Variants in GASK1A observed in about 807,000 individuals in gnomAD.
GASK1A encodes the protein golgi associated kinase 1A.
In GASK1A, 40 loss-of-function variants were observed where a neutral mutation model predicts 41.2. That is an observed-to-expected ratio of 0.97 (90% CI 0.75 to 1.27). The LOEUF (loss-of-function observed/expected upper bound fraction) is 1.27, where lower values mean the gene tolerates loss of function less well. GASK1A is among the 50% of genes most tolerant of loss of function. The pLI is 0.00. For synonymous variants in GASK1A, 316 were observed against 307.1 expected, an observed-to-expected ratio of 1.03 and a Z score of -0.30; for missense variants, 678 against 745.1, an observed-to-expected ratio of 0.91 and a Z score of 1.05.
intron 1 of GASK1A, among the ~76,000 whole-genome samples, chr3:43,001,248 G>A (rs182643902): frequency 0.011 from 1,614 of 152,174 alleles, 10 homozygotes; most frequent in Non-Finnish European, 0.016. Flanking sequence ...GAAGTTCCAC[G>A]TCATGACACA....
intron 1 of GASK1A, among the ~76,000 whole-genome samples, chr3:42,996,571 C>T (rs1268222651): frequency 3.3e-5 from 5 of 152,142 alleles, no homozygotes; most frequent in African/African-American, 1.2e-4. Context: ...ATGAGGAAAT[C>T]AAGGCCCAAG....
chr3:43,040,428 T>C (rs968062220), intron 2 of GASK1A, among the ~76,000 whole-genome samples: 3 of 152,190 alleles, frequency 2.0e-5, no homozygotes, highest in Admixed American at 2.0e-4. Context: ...TTCTCACTGC[T>C]CTTTTTTAGA....
rs947919356 is a variant in GASK1A at position 42,979,430 on chromosome 3, C to G, written c.-213C>G. Reference sequence around the variant, plus strand: ...CGTGTATTCCCCACCCGCGGAGTATCCCGGTGTGCAGCGATCTCCCGAGAG... The same window carrying G: ...CGTGTATTCCCCACCCGCGGAGTATGCCGGTGTGCAGCGATCTCCCGAGAG... On this transcript the variant is annotated 5_prime_UTR_variant, in exon 1 of 5. The change creates a new upstream start codon in the 5' untranslated region. Transcript: ENST00000430121. 2 of 423,834 alleles carry G rather than the reference C, an allele frequency of 4.7e-6. No homozygotes were observed. Among genetic ancestry groups the G allele is most frequent in the Admixed American group, 4.4e-5 (1 of 22,642 alleles). The allele number at this position is 423,834 out of a possible 1,614,324, so 26.3% of individuals were successfully genotyped here.
intron 1 of GASK1A, among the ~76,000 whole-genome samples, chr3:42,993,099 A>G (rs937898572): frequency 6.6e-6 from 1 of 152,246 alleles, no homozygotes; most frequent in African/African-American, 2.4e-5. Flanking sequence ...GTTACAGTTC[A>G]TCCACAAGGA....
intron 1 of GASK1A, among the ~76,000 whole-genome samples, chr3:43,014,287 A>C (rs988405388): frequency 1.3e-5 from 2 of 151,964 alleles, no homozygotes; most frequent in Non-Finnish European, 2.9e-5. Flanking sequence ...AGGAGTGTGA[A>C]GTCATGGGAA....
At chr3:43,001,164 T>G (rs552901540) in intron 1 of GASK1A, among the ~76,000 whole-genome samples, 1 of 152,300 alleles carries the variant, frequency 6.6e-6, no homozygotes, top group African/African-American at 2.4e-5. Flanking sequence ...GATCTTCACC[T>G]TGGCAGAACC....
Position 43,033,550 on chromosome 3 carries a change from G to A in GASK1A, c.1287G>A (p.Leu429=). 1 of 1,526,742 alleles carries A rather than the reference G, an allele frequency of 6.5e-7. No homozygotes were observed. Among genetic ancestry groups the A allele is most frequent in the Non-Finnish European group, 8.8e-7 (1 of 1,131,620 alleles). 94.6% of individuals were successfully genotyped at this position (1,526,742 alleles called of 1,614,324 possible). ...WARLALFDFL[L]QVHDRLDRYC... The stretch of plus-strand genomic sequence containing the variant: ...GCCTGGCGCTCTTCGACTTCCTGTT[G>A]CAGGTAGGTGGGGTTGGGCAGCAGG... Residue 429 remains leucine (L), a synonymous_variant, in exon 2 of 5, where the codon TTG becomes TTA. Coordinates refer to ENST00000430121, the MANE Select transcript of GASK1A (RefSeq NM_001129908.3).
intron 1 of GASK1A, among the ~76,000 whole-genome samples, chr3:42,999,921 T>C (rs1270688492): frequency 2.0e-5 from 3 of 152,214 alleles, no homozygotes; most frequent in Non-Finnish European, 4.4e-5. Flanking sequence ...GTCTCCGCTT[T>C]CATCATCACT....
At chr3:42,997,430 CAG>C (rs577401774) in intron 1 of GASK1A, among the ~76,000 whole-genome samples, 7,734 of 136,930 alleles carry the variant, frequency 0.056, 318 homozygotes, top group Middle Eastern at 0.12. Context: ...GAGAGAGAGA[CAG>C]AGAGAGGGGG....
At chr3:43,052,838 T>C (rs1354636354) in intron 2 of GASK1A, among the ~76,000 whole-genome samples, 1 of 152,166 alleles carries the variant, frequency 6.6e-6, no homozygotes, top group Admixed American at 6.5e-5. Context: ...CCACGATTCT[T>C]CCTATTGCTG....
Position 43,053,508 on chromosome 3 carries a change from G to A in GASK1A, c.1291-13G>A, listed in dbSNP as rs1260117339. On this transcript the variant is annotated splice_polypyrimidine_tract_variant and intron_variant, in intron 2 of 4. Transcript: ENST00000430121. ...CCCTGCCGCACCCCACCGAAGGCTG[G>A]GTGTCTCCACAGGTCCACGACCGCT... 1.4e-5 allele frequency: 22 copies of A among 1,529,562 alleles called. No homozygotes were observed. Among genetic ancestry groups the A allele is most frequent in the Non-Finnish European group, 1.9e-5 (21 of 1,132,956 alleles). 94.7% of individuals were successfully genotyped at this position (1,529,562 alleles called of 1,614,324 possible). A position where few individuals can be genotyped will look rare whatever the true frequency, so the allele number is the denominator to read the frequency against.
chr3:43,043,534 C>T (rs952718378), intron 2 of GASK1A, among the ~76,000 whole-genome samples: 9 of 152,228 alleles, frequency 5.9e-5, no homozygotes, highest in Middle Eastern at 3.2e-3. Context: ...TAAACATGTT[C>T]TGGGGACTGG....
At position 43,056,544 on chromosome 3, in the gene GASK1A, T is replaced by C. The variant is rs1209171108; in HGVS notation, c.*158T>C. 3.2e-6 allele frequency: 2 copies of C among 617,028 alleles called. No homozygotes were observed. Among genetic ancestry groups the C allele is most frequent in the Admixed American group, 3.2e-5 (1 of 31,570 alleles). The allele number at this position is 617,028 out of a possible 1,614,324, so 38.2% of individuals were successfully genotyped here. A position where few individuals can be genotyped will look rare whatever the true frequency, so the allele number is the denominator to read the frequency against. ...CTGGGATGGTGGAGGTAGTATGGGG[T>C]TTTCAATCTCAAAGCGTCCCTTTCT... On this transcript the variant is annotated 3_prime_UTR_variant, in exon 5 of 5. Transcript: ENST00000430121.
rs528501511 is a variant in GASK1A, at chr3:43,032,364, C to T, written c.101C>T (p.Pro34Leu). The change falls in exon 2 of 5, where the codon CCC becomes CTC. Residue 34 changes from proline to leucine, a missense_variant. Coordinates refer to ENST00000430121, the MANE Select transcript of GASK1A (RefSeq NM_001129908.3). ...TCTGCGATGGCTGTCACCCGCTTTC[C>T]CCCACAGCGTCCATCCGCCGGCCCA... Reference protein sequence around the residue: ...ILSAMAVTRFPPQRPSAGPDP... With the variant: ...ILSAMAVTRFLPQRPSAGPDP... 1.9e-6 allele frequency: 3 copies of T among 1,551,594 alleles called. No individual in the cohort carries two copies. The highest frequency in any genetic ancestry group is 1.4e-5 in the African/African-American group (1 of 73,166).
intron 1 of GASK1A, among the ~76,000 whole-genome samples, chr3:42,986,639 G>C (rs2089312384): frequency 6.6e-6 from 1 of 152,204 alleles, no homozygotes; most frequent in Admixed American, 6.5e-5. Context: ...CCAGGGCCTG[G>C]CTCTTGGATG....
At chr3:43,055,617 G>T in intron 4 of GASK1A, 82 bp downstream of exon 4, 1 of 994,294 alleles carries the variant, frequency 1.0e-6, no homozygotes, top group Non-Finnish European at 1.6e-6. Flanking sequence ...CTTCAACTGT[G>T]GCCCTGAGAA....
Position 43,023,349 on chromosome 3 carries a change from G to A in GASK1A, c.4-8918G>A, listed in dbSNP as rs541916681. On this transcript the variant is annotated intron_variant, in intron 1 of 4. Transcript: ENST00000430121. ...CCTGCTGACACCTTGATTTTGACCC[G>A]GTGAAACTGATGTGGAACTTCTGGC... 3.3e-5 allele frequency among the ~76,000 whole-genome samples: 5 copies of A among 152,238 alleles called. 1 individual carries two copies. Among genetic ancestry groups the A allele is most frequent in the South Asian group, 2.1e-4 (1 of 4,816 alleles).
intron 3 of GASK1A, 124 bp downstream of exon 3, chr3:43,053,767 CA>C (rs1223092351): frequency 9.1e-7 from 1 of 1,098,114 alleles, no homozygotes; most frequent in African/African-American, 1.5e-5. Context: ...TTGTTCTTTT[CA>C]GCAGCAGAAC....
At chr3:43,022,265 G>A (rs554740654) in intron 1 of GASK1A, among the ~76,000 whole-genome samples, 2 of 152,080 alleles carry the variant, frequency 1.3e-5, no homozygotes, top group African/African-American at 4.8e-5. Context: ...CTTTACTTGG[G>A]TGGCCCTCCC....
Sources: gnomAD v4.1 joint callset for allele counts (sites outside exome capture counted in the v4.1 genomes callset) on GRCh38, gnomAD v4.1.1 for gene constraint, MANE v1.5 for transcripts, NCBI Gene and HGNC (gene_info 2026-07-23, HGNC 2026-07-21) for gene names.